The following EXO1 variants were observed in gnomAD, a reference collection of about 807,000 sequenced individuals.
EXO1 encodes the protein exonuclease 1.
Under a neutral mutation model 84.5 loss-of-function variants are expected in EXO1, and 69 were observed. The ratio of observed to expected loss-of-function variants is 0.82; its 90% confidence interval spans 0.67 to 1.00. The LOEUF (loss-of-function observed/expected upper bound fraction) is 1.00, where lower values mean the gene tolerates loss of function less well. Ranked by LOEUF, EXO1 falls within the 50% of genes least tolerant of loss-of-function variation. EXO1 has a pLI of 0.00. For synonymous variants in EXO1, 373 were observed against 366.1 expected (o/e 1.02, Z -0.21); for missense variants, 1,045 against 1,000.7 (o/e 1.04, Z -0.60).
chr1:241,851,462 T>C (rs563948150), intron 4 of EXO1, among the ~76,000 whole-genome samples: 26 of 152,348 alleles, frequency 1.7e-4, no homozygotes, highest in African/African-American at 6.0e-4. Flanking sequence ...CTGCTAAGTT[T>C]GCGTTATGCA....
At chr1:241,854,052 T>G (rs1171064266) in intron 6 of EXO1, among the ~76,000 whole-genome samples, 1 of 152,184 alleles carries the variant, frequency 6.6e-6, no homozygotes, top group Non-Finnish European at 1.5e-5. Context: ...CTTATTCCTG[T>G]AAATCTTAGT....
chr1:241,881,985 T>G lies in EXO1; in HGVS notation c.2179T>G (p.Phe727Val), dbSNP rs1439001477. 1.3e-6 allele frequency: 2 copies of G among 1,577,748 alleles called. No individual in the cohort carries two copies. The change falls in exon 14 of 16, where the codon TTC becomes GTC. Residue 727 changes from phenylalanine (F) to valine (V), a missense_variant. Transcript: ENST00000366548. ...DQTSKLRLSH[F>V]SKKDTPLRNK... The stretch of plus-strand genomic sequence containing the variant: ...GACCTCCAAGCTACGTTTATCTCAT[T>G]TCTCAAAAAAAGACACACCTCTAAG...
chr1:241,858,787 A>G, intron 8 of EXO1, 69 bp downstream of exon 8: 2 of 1,014,518 alleles, frequency 2.0e-6, no homozygotes, highest in East Asian at 2.6e-5. Flanking sequence ...ATAAATCATA[A>G]TATGGATTTA....
intron 12 of EXO1, among the ~76,000 whole-genome samples, chr1:241,877,512 G>T (rs1662468204): frequency 6.6e-6 from 1 of 151,862 alleles, no homozygotes; most frequent in Non-Finnish European, 1.5e-5. Context: ...ACTAATCTAG[G>T]GATTTGGTGA....
At chr1:241,865,730 TA>T (rs1382081121) in intron 10 of EXO1, among the ~76,000 whole-genome samples, 3 of 152,234 alleles carry the variant, frequency 2.0e-5, no homozygotes, top group African/African-American at 7.2e-5. Context: ...TTTATTTATC[TA>T]AAATTTATTT....
chr1:241,849,242 T>A (rs200361762), intron 3 of EXO1, 26 bp downstream of exon 3: 2 of 152,226 alleles, frequency 1.3e-5, no homozygotes, highest in Non-Finnish European at 2.9e-5. Flanking sequence ...GATCCTGTAC[T>A]TTCTTTCTTC....
chr1:241,855,625 G>C (rs899134148), intron 6 of EXO1, among the ~76,000 whole-genome samples: 4 of 152,244 alleles, frequency 2.6e-5, no homozygotes, highest in African/African-American at 9.6e-5. Flanking sequence ...GCGCCGTGGA[G>C]CAGGGGGTGG....
intron 7 of EXO1, among the ~76,000 whole-genome samples, chr1:241,857,848 A>G (rs1661152232): frequency 6.6e-6 from 1 of 152,130 alleles, no homozygotes; most frequent in Non-Finnish European, 1.5e-5. Context: ...CATATGCTTT[A>G]TATTTCTTGA....
At chr1:241,869,604 A>C (rs778366594) in intron 11 of EXO1, among the ~76,000 whole-genome samples, 42 of 152,168 alleles carry the variant, frequency 2.8e-4, no homozygotes, top group Non-Finnish European at 4.4e-4. Flanking sequence ...TATGAACCTA[A>C]ATGATTTTCA....
rs10641736 is a variant in EXO1, at chr1:241,850,836, C to CTTTT, written c.161+270_161+273dup. Among the ~76,000 whole-genome samples, 64 of 105,080 alleles carry CTTTT rather than the reference C, an allele frequency of 6.1e-4. 3 individuals carry two copies. Among genetic ancestry groups the CTTTT allele is most frequent in the East Asian group, 1.6e-3 (5 of 3,154 alleles). 68.9% of individuals were successfully genotyped at this position (105,080 alleles called of 152,430 possible). A position where few individuals can be genotyped will look rare whatever the true frequency, so the allele number is the denominator to read the frequency against. The stretch of plus-strand genomic sequence containing the variant: ...AAAGACTATTAATATCTCCTTTATT[C>CTTTT]TTTTTTTTTTTTTTTTTTTTTTTAG... On this transcript the variant is annotated intron_variant, in intron 4 of 15. Coordinates refer to ENST00000366548, the MANE Select transcript of EXO1 (RefSeq NM_130398.4).
chr1:241,857,197 A>G, intron 6 of EXO1, 148 bp from the exon 7 acceptor site: 1 of 744,594 alleles, frequency 1.3e-6, no homozygotes, highest in Non-Finnish European at 2.3e-6. Flanking sequence ...AACTTACAGT[A>G]GAAAAACTCT....
intron 6 of EXO1, among the ~76,000 whole-genome samples, chr1:241,855,305 T>G (rs1167653511): frequency 6.6e-6 from 1 of 152,084 alleles, no homozygotes; most frequent in East Asian, 1.9e-4. Context: ...AGATACAGTG[T>G]CTACACAAAG....
intron 12 of EXO1, among the ~76,000 whole-genome samples, chr1:241,875,179 T>G (rs920714458): frequency 1.3e-5 from 2 of 152,058 alleles, no homozygotes; most frequent in African/African-American, 4.8e-5. Flanking sequence ...AATTTTTATG[T>G]TTTTAGAAGA....
At chr1:241,860,471 C>A (rs1661318647) in intron 8 of EXO1, 46 bp from the exon 9 acceptor site, 1 of 1,364,518 alleles carries the variant, frequency 7.3e-7, no homozygotes, top group South Asian at 1.2e-5. Flanking sequence ...ATAATATGTT[C>A]CCTGTTCTTT....
intron 6 of EXO1, among the ~76,000 whole-genome samples, chr1:241,856,668 A>T (rs1661063746): frequency 6.6e-6 from 1 of 152,172 alleles, no homozygotes; most frequent in Non-Finnish European, 1.5e-5. Context: ...GGGAAGATAT[A>T]TTCAAAACTC....
At chr1:241,856,110 T>G (rs1235203249) in intron 6 of EXO1, among the ~76,000 whole-genome samples, 1 of 152,200 alleles carries the variant, frequency 6.6e-6, no homozygotes, top group Non-Finnish European at 1.5e-5. Flanking sequence ...GGGAGGGCTA[T>G]GAGTACTGCC....
rs1662421803 is a variant in EXO1, at chr1:241,876,673, A to G, written c.1515-2076A>G. ...AATTTTACATGTTTTTCTATTTCTC[A>G]CAACAATATTATGAGATACATAGGA... On this transcript the variant is annotated intron_variant, in intron 12 of 15. Transcript: ENST00000366548. Among the ~76,000 whole-genome samples the G allele has an allele frequency of 1.3e-5, 2 of 152,094 alleles. 1 individual carries two copies. The highest frequency in any genetic ancestry group is 4.1e-4 in the South Asian group (2 of 4,822).
intron 4 of EXO1, among the ~76,000 whole-genome samples, 168 bp downstream of exon 4, chr1:241,850,754 T>A (rs1437895743): frequency 1.3e-5 from 2 of 151,854 alleles, no homozygotes; most frequent in Non-Finnish European, 2.9e-5. Context: ...CCTTCTGTGA[T>A]AATAGGCCTA....
At chr1:241,863,826 T>C (rs774823077) in intron 10 of EXO1, among the ~76,000 whole-genome samples, 1 of 152,236 alleles carries the variant, frequency 6.6e-6, no homozygotes, top group African/African-American at 2.4e-5. Context: ...TCCTTAGTTA[T>C]AGTAGCCAGC....
Sources: allele counts gnomAD v4.1 joint callset (sites outside exome capture counted in the v4.1 genomes callset), GRCh38; gene constraint gnomAD v4.1.1; transcripts MANE v1.5; gene names NCBI Gene and HGNC (gene_info 2026-07-23, HGNC 2026-07-21).